Variants in IGF2BP3 observed in about 807,000 individuals in gnomAD.
IGF2BP3 encodes the protein insulin-like growth factor 2 mRNA-binding protein 3.
IGF2BP3 carries 9 observed loss-of-function variants against 73.8 expected under a neutral mutation model. The observed-to-expected ratio is 0.12, with a 90% confidence interval of 0.07 to 0.21. The LOEUF (loss-of-function observed/expected upper bound fraction) is 0.21, where lower values mean the gene tolerates loss of function less well. Ranked by LOEUF, IGF2BP3 falls within the 10% of genes least tolerant of loss-of-function variation. The probability of loss-of-function intolerance (pLI) is 1.00; values close to 1 mark genes in which losing one functional copy is unlikely to be tolerated. For synonymous variants in IGF2BP3, 258 were observed against 256.7 expected, an observed-to-expected ratio of 1.01 and a Z score of -0.05; for missense variants, 542 against 714.0, an observed-to-expected ratio of 0.76 and a Z score of 2.75.
At chr7:23,400,448 A>C (rs1236965454) in intron 3 of IGF2BP3, among the ~76,000 whole-genome samples, 2 of 152,126 alleles carry the variant, frequency 1.3e-5, no homozygotes, top group African/African-American at 4.8e-5. Context: ...GAGGTTCTTC[A>C]TATCTCTGTG....
At chr7:23,342,929 G>C (rs993964274) in intron 9 of IGF2BP3, among the ~76,000 whole-genome samples, 1 of 152,194 alleles carries the variant, frequency 6.6e-6, no homozygotes, top group East Asian at 1.9e-4. Flanking sequence ...AAAATGGCTA[G>C]CATTCTAGGC....
At chr7:23,462,654 G>A (rs573401008) in intron 2 of IGF2BP3, among the ~76,000 whole-genome samples, 15 of 152,234 alleles carry the variant, frequency 9.9e-5, no homozygotes, top group Admixed American at 2.0e-4. Context: ...GAGCCACCTC[G>A]CCTGGCCCAA....
At chr7:23,318,076 G>T (rs1784040425) in intron 11 of IGF2BP3, among the ~76,000 whole-genome samples, 1 of 152,128 alleles carries the variant, frequency 6.6e-6, no homozygotes, top group South Asian at 2.1e-4. Flanking sequence ...GGGAGAGCTG[G>T]GTCTGTCTCC....
intron 10 of IGF2BP3, among the ~76,000 whole-genome samples, chr7:23,335,104 A>G (rs892704350): frequency 6.6e-6 from 1 of 150,522 alleles, no homozygotes; most frequent in African/African-American, 2.4e-5. Flanking sequence ...AAAGGCAAAG[A>G]AAGTTTTTCA....
chr7:23,340,849 CTTT>C (rs551566879), intron 10 of IGF2BP3, among the ~76,000 whole-genome samples: 3 of 139,372 alleles, frequency 2.2e-5, no homozygotes. Context: ...TTTTCTTTTT[CTTT>C]TTTTTTTTTT....
intron 2 of IGF2BP3, among the ~76,000 whole-genome samples, chr7:23,427,659 G>A (rs1292298366): frequency 1.3e-5 from 2 of 151,664 alleles, no homozygotes; most frequent in Non-Finnish European, 1.5e-5. Flanking sequence ...ATCACCTGAG[G>A]TCCAGAGTTC....
chr7:23,423,772 G>GA (rs540791057), intron 2 of IGF2BP3, among the ~76,000 whole-genome samples: 104 of 142,944 alleles, frequency 7.3e-4, no homozygotes, highest in South Asian at 9.1e-4. Flanking sequence ...TTTGAGAATG[G>GA]AAAAAAAAAA....
chr7:23,460,195 A>C (rs1394091000), intron 2 of IGF2BP3, among the ~76,000 whole-genome samples: 2 of 147,324 alleles, frequency 1.4e-5, no homozygotes, highest in Non-Finnish European at 3.0e-5. Context: ...AAAAAAAAAA[A>C]ACAAAAACGA....
At chr7:23,357,471 G>A (rs1011912955) in intron 5 of IGF2BP3, among the ~76,000 whole-genome samples, 1 of 151,998 alleles carries the variant, frequency 6.6e-6, no homozygotes. Context: ...CCAAACAAAA[G>A]AAAGTATAAG....
intron 5 of IGF2BP3, among the ~76,000 whole-genome samples, chr7:23,360,403 T>C (rs916696563): frequency 1.3e-5 from 2 of 152,240 alleles, no homozygotes; most frequent in Non-Finnish European, 2.9e-5. Context: ...AATGTTATGG[T>C]ATCATTTGTG....
At chr7:23,312,949 A>G (rs945236705) in intron 13 of IGF2BP3, 101 bp from the exon 14 acceptor site, 2 of 656,276 alleles carry the variant, frequency 3.0e-6, no homozygotes, top group South Asian at 2.0e-5. Context: ...TGGCTTTACA[A>G]ATTTCATTTA....
At chr7:23,392,160 G>C (rs1200887875) in intron 3 of IGF2BP3, among the ~76,000 whole-genome samples, 1 of 152,166 alleles carries the variant, frequency 6.6e-6, no homozygotes, top group Non-Finnish European at 1.5e-5. Flanking sequence ...ATTCATGAAT[G>C]TTGTAAACTG....
At chr7:23,449,849 G>A (rs150138504) in intron 2 of IGF2BP3, among the ~76,000 whole-genome samples, 1 of 152,204 alleles carries the variant, frequency 6.6e-6, no homozygotes, top group Non-Finnish European at 1.5e-5. Context: ...AAAGGCATGA[G>A]CCATCACACC....
intron 10 of IGF2BP3, among the ~76,000 whole-genome samples, chr7:23,323,091 T>C (rs1784203500): frequency 6.6e-6 from 1 of 152,044 alleles, no homozygotes; most frequent in South Asian, 2.1e-4. Context: ...TAAATGTAAA[T>C]GGACTAAATG....
chr7:23,348,807 G>T (rs1784893430), intron 6 of IGF2BP3, among the ~76,000 whole-genome samples: 1 of 152,240 alleles, frequency 6.6e-6, no homozygotes, highest in Admixed American at 6.5e-5. Flanking sequence ...GCATGGGAAA[G>T]TTCCGTTTCT....
chr7:23,400,582 C>T (rs1786627585), intron 3 of IGF2BP3, among the ~76,000 whole-genome samples: 1 of 152,236 alleles, frequency 6.6e-6, no homozygotes, highest in South Asian at 2.1e-4. Flanking sequence ...TTCAATCTGG[C>T]TGTACTTGTT....
In IGF2BP3 at chr7:23,438,411, C is replaced by T. The variant is rs149388684; in HGVS notation, c.237-19587G>A. On this transcript the variant is annotated intron_variant, in intron 2 of 14. Coordinates refer to ENST00000258729, the MANE Select transcript of IGF2BP3 (RefSeq NM_006547.3). ...ATTACAGGCATGAACCACCAAGCCA[C>T]TACACTGGGCCACATACAAATTTTA... 7.9e-4 allele frequency among the ~76,000 whole-genome samples: 120 copies of T among 152,284 alleles called. 1 individual carries two copies. Among genetic ancestry groups the T allele is most frequent in the Non-Finnish European group, 1.4e-3 (98 of 68,014 alleles).
At chr7:23,385,742 T>C (rs1412213490) in intron 3 of IGF2BP3, among the ~76,000 whole-genome samples, 1 of 152,050 alleles carries the variant, frequency 6.6e-6, no homozygotes, top group African/African-American at 2.4e-5. Context: ...TATTATTTTT[T>C]TTTTTAGAAA....
At chr7:23,320,113 T>C (rs1296794767) in intron 10 of IGF2BP3, among the ~76,000 whole-genome samples, 6 of 151,476 alleles carry the variant, frequency 4.0e-5, no homozygotes, top group Non-Finnish European at 5.9e-5. Flanking sequence ...GGTTTCACCA[T>C]GTTGGCCAGG....
Sources: allele counts gnomAD v4.1 joint callset (sites outside exome capture counted in the v4.1 genomes callset), GRCh38; gene constraint gnomAD v4.1.1; transcripts MANE v1.5; gene names NCBI Gene and HGNC (gene_info 2026-07-23, HGNC 2026-07-21).